Variants in IQCJ observed in about 807,000 individuals in gnomAD.
The protein encoded by IQCJ is IQ domain-containing protein J.
IQCJ carries 9 observed loss-of-function variants against 11.0 expected under a neutral mutation model. The observed-to-expected ratio is 0.82, with a 90% confidence interval of 0.49 to 1.43. The LOEUF (loss-of-function observed/expected upper bound fraction) is 1.43, where lower values mean the gene tolerates loss of function less well. IQCJ is among the 40% of genes most tolerant of loss of function. IQCJ has a pLI of 0.00. For missense variants in IQCJ, 146 were observed against 133.2 expected, an observed-to-expected ratio of 1.10 and a Z score of -0.47; for synonymous variants, 55 against 51.3, an observed-to-expected ratio of 1.07 and a Z score of -0.31.
intron 1 of IQCJ, among the ~76,000 whole-genome samples, chr3:159,122,718 T>A (rs1417312016): frequency 6.6e-6 from 1 of 152,254 alleles, no homozygotes; most frequent in Non-Finnish European, 1.5e-5. Context: ...CCAGATTTTT[T>A]ATTAATGTCT....
intron 1 of IQCJ, among the ~76,000 whole-genome samples, chr3:159,078,124 C>T (rs1230615637): frequency 6.7e-6 from 1 of 148,880 alleles, no homozygotes; most frequent in Non-Finnish European, 1.5e-5. Flanking sequence ...AGAGAGGAAA[C>T]ATTAAATCAA....
At chr3:159,168,844 C>T (rs1722323367) in intron 1 of IQCJ, among the ~76,000 whole-genome samples, 1 of 151,726 alleles carries the variant, frequency 6.6e-6, no homozygotes, top group Non-Finnish European at 1.5e-5. Flanking sequence ...CTTAGTTTAA[C>T]ATAGAGTCAA....
In IQCJ at chr3:159,210,049, C is replaced by T. The variant is rs550252055; in HGVS notation, c.10-35794C>T. ...CTGATAAAACTAAGAAAAAGTGAGG[C>T]CATGAACCCAGAGGAAGGGACAGTT... On this transcript the variant is annotated intron_variant, in intron 1 of 3. Transcript: ENST00000397832. Among the ~76,000 whole-genome samples, 380 of 152,248 alleles carry T rather than the reference C, an allele frequency of 2.5e-3. 1 individual carries two copies. Among genetic ancestry groups the T allele is most frequent in the Non-Finnish European group, 4.1e-3 (276 of 68,022 alleles).
intron 1 of IQCJ, among the ~76,000 whole-genome samples, chr3:159,230,411 C>T (rs907648566): frequency 9.9e-5 from 15 of 152,134 alleles, no homozygotes; most frequent in African/African-American, 3.4e-4. Flanking sequence ...TTCCTCTTAA[C>T]ACTTAAGTTA....
intron 1 of IQCJ, among the ~76,000 whole-genome samples, chr3:159,191,832 G>A (rs17783910): frequency 3.9e-5 from 6 of 152,164 alleles, no homozygotes; most frequent in Admixed American, 6.6e-5. Context: ...TTTGAGAAAC[G>A]GAGGCAGTTG....
chr3:159,237,969 A>G (rs1726689318), intron 1 of IQCJ, among the ~76,000 whole-genome samples: 1 of 152,204 alleles, frequency 6.6e-6, no homozygotes, highest in Non-Finnish European at 1.5e-5. Flanking sequence ...TAAAAGGACG[A>G]CTGAGAGTTT....
intron 1 of IQCJ, among the ~76,000 whole-genome samples, chr3:159,201,036 G>A (rs971503486): frequency 2.0e-5 from 3 of 152,110 alleles, no homozygotes; most frequent in Non-Finnish European, 4.4e-5. Context: ...TAAGAAAGAA[G>A]TAAAGAAGTA....
chr3:159,166,918 GT>G (rs1241443573), intron 1 of IQCJ, among the ~76,000 whole-genome samples: 1 of 152,178 alleles, frequency 6.6e-6, no homozygotes, highest in Non-Finnish European at 1.5e-5. Context: ...TATGGGGCAT[GT>G]GTCTAATGCA....
At chr3:159,146,699 A>G (rs1720944406) in intron 1 of IQCJ, among the ~76,000 whole-genome samples, 1 of 152,190 alleles carries the variant, frequency 6.6e-6, no homozygotes, top group South Asian at 2.1e-4. Flanking sequence ...ACAATATTAG[A>G]ATTGGAAAGG....
intron 1 of IQCJ, among the ~76,000 whole-genome samples, chr3:159,176,229 T>C (rs1009763380): frequency 1.3e-5 from 2 of 152,112 alleles, no homozygotes; most frequent in Non-Finnish European, 2.9e-5. Flanking sequence ...TCCCAGTCTC[T>C]GGTTTGCTTT....
intron 1 of IQCJ, among the ~76,000 whole-genome samples, chr3:159,154,381 G>A (rs1308122410): frequency 1.3e-5 from 2 of 152,086 alleles, no homozygotes; most frequent in African/African-American, 2.4e-5. Flanking sequence ...GAGGATGAAT[G>A]CACATTGATA....
At chr3:159,237,221 C>T (rs1271588066) in intron 1 of IQCJ, among the ~76,000 whole-genome samples, 2 of 152,204 alleles carry the variant, frequency 1.3e-5, no homozygotes, top group East Asian at 3.8e-4. Flanking sequence ...TGATTTTAAA[C>T]CTGTCCAAAG....
intron 1 of IQCJ, among the ~76,000 whole-genome samples, chr3:159,239,058 G>A (rs1726757539): frequency 6.6e-6 from 1 of 152,058 alleles, no homozygotes; most frequent in Admixed American, 6.6e-5. Context: ...ATTTGTGTTT[G>A]CTTTTAATAG....
At chr3:159,241,041 T>A (rs1726888111) in intron 1 of IQCJ, among the ~76,000 whole-genome samples, 1 of 152,222 alleles carries the variant, frequency 6.6e-6, no homozygotes, top group Non-Finnish European at 1.5e-5. Flanking sequence ...TGGTAACTTC[T>A]CAGGATTCTT....
chr3:159,087,819 A>G (rs1161242318), intron 1 of IQCJ, among the ~76,000 whole-genome samples: 1 of 149,072 alleles, frequency 6.7e-6, no homozygotes, highest in Non-Finnish European at 1.5e-5. Flanking sequence ...TTTTTTCTTT[A>G]TTAGTCTTGC....
intron 1 of IQCJ, among the ~76,000 whole-genome samples, chr3:159,105,520 A>G (rs1282067018): frequency 6.6e-6 from 1 of 152,144 alleles, no homozygotes; most frequent in African/African-American, 2.4e-5. Context: ...ATGGGGGGAG[A>G]CAAGGAGTAA....
intron 1 of IQCJ, among the ~76,000 whole-genome samples, chr3:159,227,676 T>A (rs981209568): frequency 6.6e-6 from 1 of 152,216 alleles, no homozygotes; most frequent in Non-Finnish European, 1.5e-5. Flanking sequence ...TTTCTAATTC[T>A]GGCGGGAACA....
rs145674164 is a variant in IQCJ at position 159,102,010 on chromosome 3, G to A, written c.9+32569G>A. Among the ~76,000 whole-genome samples the A allele has an allele frequency of 1.0e-3, 156 of 152,296 alleles. 1 individual carries two copies. The South Asian group carries it at 0.011, about 11-fold the overall frequency. ...GCTTCAGAAAAAAGTAATCACATCT[G>A]GTGTGAGATGTGCAGAATGGCAGTC... On this transcript the variant is annotated intron_variant, in intron 1 of 3. Coordinates refer to ENST00000397832, the MANE Select transcript of IQCJ (RefSeq NM_001042706.3).
At chr3:159,266,128 A>G (rs1342631491), downstream of IQCJ, 1 of 152,216 alleles carries the variant, frequency 6.6e-6, no homozygotes, top group Non-Finnish European at 1.5e-5. Context: ...AAAGAAAGAC[A>G]CTATTATTAT....
Sources: gnomAD v4.1 joint callset for allele counts (sites outside exome capture counted in the v4.1 genomes callset) on GRCh38, gnomAD v4.1.1 for gene constraint, MANE v1.5 for transcripts, NCBI Gene and HGNC (gene_info 2026-07-23, HGNC 2026-07-21) for gene names.